The following CSNK1G1 variants were observed in gnomAD, a reference collection of about 807,000 sequenced individuals.
CSNK1G1 encodes the protein casein kinase I isoform gamma-1.
CSNK1G1 carries 22 observed loss-of-function variants against 59.6 expected under a neutral mutation model. The observed-to-expected ratio is 0.37, with a 90% CI of 0.26 to 0.53. The LOEUF is 0.53. Among genes scored for constraint, CSNK1G1 ranks in the 20% least tolerant of loss-of-function variants. The pLI is 0.89. For synonymous variants in CSNK1G1, 179 were observed against 177.1 expected, an observed-to-expected ratio of 1.01 and a Z score of -0.08; for missense variants, 384 against 519.5, an observed-to-expected ratio of 0.74 and a Z score of 2.54.
intron 2 of CSNK1G1, among the ~76,000 whole-genome samples, chr15:64,293,998 A>G (rs901342525): frequency 2.6e-5 from 4 of 152,224 alleles, no homozygotes; most frequent in African/African-American, 9.6e-5. Flanking sequence ...GCTAAATTGA[A>G]TACTATAGAA....
At chr15:64,314,578 A>C (rs964599254) in intron 1 of CSNK1G1, among the ~76,000 whole-genome samples, 7 of 151,804 alleles carry the variant, frequency 4.6e-5, no homozygotes, top group East Asian at 1.9e-4. Flanking sequence ...AAAAAAAAAA[A>C]AAAAACATAT....
intron 2 of CSNK1G1, among the ~76,000 whole-genome samples, chr15:64,280,630 G>A (rs1894074851): frequency 6.6e-6 from 1 of 152,018 alleles, no homozygotes; most frequent in South Asian, 2.1e-4. Context: ...AAAGTGTTAA[G>A]GATTACAGGC....
At chr15:64,219,175 G>C (rs1036676969) in intron 4 of CSNK1G1, among the ~76,000 whole-genome samples, 3 of 151,820 alleles carry the variant, frequency 2.0e-5, no homozygotes, top group Non-Finnish European at 2.9e-5. Flanking sequence ...TTTTTTTCCC[G>C]GTTGTTTTGA....
chr15:64,297,889 C>T (rs1056574361), intron 2 of CSNK1G1, among the ~76,000 whole-genome samples: 21 of 152,046 alleles, frequency 1.4e-4, no homozygotes, highest in Admixed American at 7.9e-4. Flanking sequence ...AAGAAAATGA[C>T]GGAATGGGGT....
At chr15:64,319,861 G>A (rs1896466542) in intron 1 of CSNK1G1, among the ~76,000 whole-genome samples, 1 of 148,406 alleles carries the variant, frequency 6.7e-6, no homozygotes, top group Non-Finnish European at 1.5e-5. Context: ...TTTGAATAAA[G>A]CATAAAAGAA....
chr15:64,227,969 T>C (rs993979973), intron 4 of CSNK1G1, among the ~76,000 whole-genome samples: 3 of 152,218 alleles, frequency 2.0e-5, no homozygotes, highest in Non-Finnish European at 2.9e-5. Context: ...CCTGCCCTTT[T>C]GGTTAACATT....
chr15:64,342,448 C>A (rs1897728109), intron 1 of CSNK1G1: 1 of 152,234 alleles, frequency 6.6e-6, no homozygotes, highest in Non-Finnish European at 1.5e-5. Context: ...TGCTAGATTA[C>A]ATCCACTAGA....
chr15:64,187,717 G>A (rs893232413), intron 10 of CSNK1G1, among the ~76,000 whole-genome samples: 7 of 152,134 alleles, frequency 4.6e-5, no homozygotes, highest in Non-Finnish European at 1.0e-4. Flanking sequence ...CCAACTGATG[G>A]TGTCACTTAC....
At chr15:64,270,030 C>A (rs533029591) in intron 2 of CSNK1G1, among the ~76,000 whole-genome samples, 1 of 152,308 alleles carries the variant, frequency 6.6e-6, no homozygotes, top group South Asian at 2.1e-4. Flanking sequence ...TGGTCTTGAA[C>A]TCCTGACCCT....
At position 64,202,716 on chromosome 15, in the gene CSNK1G1, C is replaced by A. The variant is rs142695545; in HGVS notation, c.1107+366G>T. The stretch of plus-strand genomic sequence containing the variant: ...TATAGGCACGTGCCACCATGCCCAA[C>A]TAATTTTTTGTATTTTATGTAGAGA... On this transcript the variant is annotated intron_variant, in intron 10 of 11. Coordinates refer to ENST00000303052, the MANE Select transcript of CSNK1G1 (RefSeq NM_022048.5). 3.5e-3 allele frequency among the ~76,000 whole-genome samples: 540 copies of A among 152,244 alleles called. 2 individuals are homozygous for A. The highest frequency in any genetic ancestry group is 5.7e-3 in the Non-Finnish European group (386 of 68,000).
intron 1 of CSNK1G1, among the ~76,000 whole-genome samples, chr15:64,316,551 A>G (rs867539319): frequency 0.015 from 2,219 of 151,364 alleles, 55 homozygotes; most frequent in African/African-American, 0.045. Flanking sequence ...AAAAAAAAAA[A>G]AAAAAGAAAA....
At chr15:64,205,013 T>C (rs1391047601) in intron 7 of CSNK1G1, 64 bp from the exon 8 acceptor site, 1 of 920,846 alleles carries the variant, frequency 1.1e-6, no homozygotes, top group African/African-American at 1.7e-5. Context: ...ATTCAATATG[T>C]TTTTGGACAC....
chr15:64,277,760 G>GATATATTTAATAATATAT lies in CSNK1G1; in HGVS notation c.182-18520_182-18519insATATATTATTAAATATAT, dbSNP rs1566930264. Among the ~76,000 whole-genome samples, 2 of 67,598 alleles carry GATATATTTAATAATATAT rather than the reference G, an allele frequency of 3.0e-5. 1 individual carries two copies. Among genetic ancestry groups the GATATATTTAATAATATAT allele is most frequent in the Non-Finnish European group, 5.8e-5 (2 of 34,674 alleles). The allele number at this position is 67,598 out of a possible 152,430, so 44.3% of individuals were successfully genotyped here. ...TAATATTGATATATTTAATAATATA[G>GATATATTTAATAATATAT]CAATATTGATATATTTAATAATATA... On this transcript the variant is annotated intron_variant, in intron 2 of 11. Transcript: ENST00000303052.
At chr15:64,252,256 CTT>C (rs956838753) in intron 3 of CSNK1G1, among the ~76,000 whole-genome samples, 1 of 145,780 alleles carries the variant, frequency 6.9e-6, no homozygotes. Context: ...TGTATAATTT[CTT>C]TTTTTTTTTA....
intron 4 of CSNK1G1, among the ~76,000 whole-genome samples, chr15:64,219,837 G>A (rs542702919): frequency 3.4e-5 from 5 of 146,470 alleles, no homozygotes; most frequent in African/African-American, 7.7e-5. Flanking sequence ...GCAGTGGCAC[G>A]ATCTCAGCTC....
chr15:64,181,153 A>G (rs983806071), intron 10 of CSNK1G1: 15 of 1,486,554 alleles, frequency 1.0e-5, no homozygotes, highest in Admixed American at 2.4e-5. Context: ...GAAGATGGTA[A>G]AAAAACACTC....
chr15:64,325,017 T>C (rs1896771355), intron 1 of CSNK1G1, among the ~76,000 whole-genome samples: 1 of 152,212 alleles, frequency 6.6e-6, no homozygotes, highest in African/African-American at 2.4e-5. Flanking sequence ...TAATATGTGT[T>C]AGCAGGGTAA....
chr15:64,314,724 G>A (rs567166851), intron 1 of CSNK1G1, among the ~76,000 whole-genome samples: 5 of 152,054 alleles, frequency 3.3e-5, no homozygotes, highest in Non-Finnish European at 7.4e-5. Context: ...AAGAACACGC[G>A]GTGTTTGTTT....
At chr15:64,298,734 C>G (rs76128245) in intron 2 of CSNK1G1, among the ~76,000 whole-genome samples, 2,565 of 152,134 alleles carry the variant, frequency 0.017, 82 homozygotes, top group African/African-American at 0.058. Flanking sequence ...GCAGGACCAT[C>G]ACAAGTAGCA....
Sources: allele counts gnomAD v4.1 joint callset (sites outside exome capture counted in the v4.1 genomes callset), GRCh38; gene constraint gnomAD v4.1.1; transcripts MANE v1.5; gene names NCBI Gene and HGNC (gene_info 2026-07-23, HGNC 2026-07-21).